The following ABCG8 variants were observed in gnomAD, a reference collection of about 807,000 sequenced individuals.
ABCG8 encodes ATP binding cassette subfamily G member 8.
In ABCG8, 81 loss-of-function variants were observed where a neutral mutation model predicts 71.3. The ratio of observed to expected loss-of-function variants is 1.14; its 90% CI spans 0.95 to 1.37. The LOEUF (loss-of-function observed/expected upper bound fraction) is 1.37, where lower values mean the gene tolerates loss of function less well. Ranked by LOEUF, ABCG8 falls within the 40% of genes most tolerant of loss-of-function variation. The probability of loss-of-function intolerance (pLI) is 0.00; values close to 1 mark genes in which losing one functional copy is unlikely to be tolerated. For synonymous variants in ABCG8, 451 were observed against 354.7 expected, an observed-to-expected ratio of 1.27 and a Z score of -3.05; for missense variants, 1,119 against 866.2, an observed-to-expected ratio of 1.29 and a Z score of -3.66.
intron 1 of ABCG8, 130 bp downstream of exon 1, chr2:43,839,246 A>G (rs1668472758): frequency 1.9e-6 from 2 of 1,030,526 alleles, no homozygotes; most frequent in Non-Finnish European, 2.9e-6. Context: ...ACATGGCCGC[A>G]GGACTGTTTC....
At chr2:43,860,012 A>C (rs1405012943) in intron 6 of ABCG8, among the ~76,000 whole-genome samples, 1 of 149,256 alleles carries the variant, frequency 6.7e-6, no homozygotes, top group Non-Finnish European at 1.5e-5. Context: ...CAGAACTCTG[A>C]GTATCTGGAT....
intron 3 of ABCG8, chr2:43,846,578 T>G (rs1430910559): frequency 6.3e-6 from 3 of 475,250 alleles, no homozygotes; most frequent in African/African-American, 5.9e-5. Flanking sequence ...TGACTTTGGC[T>G]AACACCTGGA....
Position 43,877,999 on chromosome 2 carries a change from AGT to A in ABCG8, c.*88_*89del. 1 of 1,590,122 alleles carries A rather than the reference AGT, an allele frequency of 6.3e-7. No individual in the cohort carries two copies. Among genetic ancestry groups the A allele is most frequent in the Non-Finnish European group, 8.6e-7 (1 of 1,163,598 alleles). On this transcript the variant is annotated 3_prime_UTR_variant, in exon 13 of 13. Transcript: ENST00000272286. Reference sequence around the variant, plus strand: ...TCCTCAGGAGCCCCTTCCTGGGGACAGTGAGGACAATGACCCTACAGATGCTC... The same window carrying A: ...TCCTCAGGAGCCCCTTCCTGGGGACAGAGGACAATGACCCTACAGATGCTC...
rs1414612473 is a variant in ABCG8, at chr2:43,851,588, T to G, written c.327T>G (p.Cys109Trp). ...QMLAIIGSSG[C>W]GRASLLDVIT... ...ATATCCCTGGTGGCTTTGCAGGTTG[T>G]GGGAGAGCCTCCTTGCTAGATGTGA... The change falls in exon 4 of 13, where the codon TGT becomes TGG. Residue 109 changes from cysteine (C) to tryptophan (W), a missense_variant. Transcript: ENST00000272286. 1 of 1,614,092 alleles carries G rather than the reference T, an allele frequency of 6.2e-7. No homozygotes were observed. The highest frequency in any genetic ancestry group is 8.5e-7 in the Non-Finnish European group (1 of 1,180,032).
intron 6 of ABCG8, among the ~76,000 whole-genome samples, chr2:43,858,832 C>T (rs1669204515): frequency 6.6e-6 from 1 of 151,408 alleles, no homozygotes; most frequent in Non-Finnish European, 1.5e-5. Context: ...CACTATCTAT[C>T]TGGATAGAAT....
chr2:43,874,918 C>A (rs1235506714), intron 10 of ABCG8, among the ~76,000 whole-genome samples: 1 of 152,068 alleles, frequency 6.6e-6, no homozygotes, highest in Non-Finnish European at 1.5e-5. Context: ...GTGCCCATTG[C>A]TGCCCTGGGG....
chr2:43,851,457 C>A, intron 3 of ABCG8, 127 bp from the exon 4 acceptor site: 1 of 1,069,052 alleles, frequency 9.4e-7, no homozygotes, highest in Non-Finnish European at 1.4e-6. Flanking sequence ...TGCCACCTCT[C>A]TAGGGGCTGG....
At chr2:43,846,071 G>C (rs1178314724) in intron 2 of ABCG8, 84 bp from the exon 3 acceptor site, 9 of 1,492,686 alleles carry the variant, frequency 6.0e-6, no homozygotes, top group African/African-American at 1.4e-5. Flanking sequence ...GGGGCCACCT[G>C]GGGAACGAAG....
At chr2:43,866,433 C>T (rs1161121724) in intron 6 of ABCG8, among the ~76,000 whole-genome samples, 4 of 151,954 alleles carry the variant, frequency 2.6e-5, no homozygotes, top group African/African-American at 4.8e-5. Context: ...AAAAAATTTT[C>T]GCAACCTACT....
intron 6 of ABCG8, among the ~76,000 whole-genome samples, chr2:43,859,984 G>T (rs556328680): frequency 6.7e-6 from 1 of 150,278 alleles, no homozygotes; most frequent in African/African-American, 2.4e-5. Flanking sequence ...AATGTGGATA[G>T]AATTCTCACC....
chr2:43,875,121 T>A (rs1669914787), intron 10 of ABCG8, 25 bp from the exon 11 acceptor site: 1 of 1,614,058 alleles, frequency 6.2e-7, no homozygotes, highest in South Asian at 1.1e-5. Flanking sequence ...TGGCTTCATA[T>A]CCTTGCAAGG....
intron 6 of ABCG8, among the ~76,000 whole-genome samples, chr2:43,864,880 C>CTG: frequency 1.3e-5 from 2 of 152,098 alleles, no homozygotes; most frequent in South Asian, 2.1e-4. Flanking sequence ...GGAATTCTCA[C>CTG]TCTCTGGATA....
intron 3 of ABCG8, among the ~76,000 whole-genome samples, chr2:43,849,942 G>A (rs1668862443): frequency 6.6e-6 from 1 of 152,174 alleles, no homozygotes; most frequent in Non-Finnish European, 1.5e-5. Context: ...GCTCACGTCT[G>A]TCATCCCAGC....
intron 1 of ABCG8, among the ~76,000 whole-genome samples, chr2:43,840,711 G>C (rs540448014): frequency 6.6e-6 from 1 of 152,278 alleles, no homozygotes; most frequent in South Asian, 2.1e-4. Context: ...AGGCAACTTG[G>C]CTAGAATGCG....
chr2:43,874,696 G>A (rs1300233754), intron 10 of ABCG8, among the ~76,000 whole-genome samples: 1 of 152,140 alleles, frequency 6.6e-6, no homozygotes, highest in African/African-American at 2.4e-5. Context: ...CTGTGGACCA[G>A]GAATGATAGT....
intron 2 of ABCG8, among the ~76,000 whole-genome samples, chr2:43,845,480 A>G (rs913482009): frequency 4.6e-5 from 7 of 152,234 alleles, no homozygotes; most frequent in Non-Finnish European, 1.0e-4. Flanking sequence ...GAATAAGGTG[A>G]TGGATGTTAA....
At chr2:43,860,336 A>G (rs1472360355) in intron 6 of ABCG8, among the ~76,000 whole-genome samples, 1 of 150,816 alleles carries the variant, frequency 6.6e-6, no homozygotes, top group East Asian at 1.9e-4. Context: ...CACCCTCTGG[A>G]TAGAACTCTC....
intron 6 of ABCG8, among the ~76,000 whole-genome samples, chr2:43,858,587 A>T (rs977000083): frequency 6.6e-6 from 1 of 151,014 alleles, no homozygotes; most frequent in Non-Finnish European, 1.5e-5. Context: ...TTTGGATAGA[A>T]CTCTATTTTT....
chr2:43,847,131 AT>A (rs1378892667), intron 3 of ABCG8: 2 of 152,414 alleles, frequency 1.3e-5, no homozygotes, highest in African/African-American at 4.8e-5. Context: ...TGGTTTCATC[AT>A]TCTCGGATCA....
Sources: gnomAD v4.1 joint callset for allele counts (sites outside exome capture counted in the v4.1 genomes callset) on GRCh38, gnomAD v4.1.1 for gene constraint, MANE v1.5 for transcripts, NCBI Gene and HGNC (gene_info 2026-07-23, HGNC 2026-07-21) for gene names.